The following PBX1 variants were observed in gnomAD, a reference collection of about 807,000 sequenced individuals.
The protein encoded by PBX1 is PBX homeobox 1, also known as pre-B-cell leukemia transcription factor 1.
Under a neutral mutation model 53.4 loss-of-function variants are expected in PBX1, and 6 were observed. That is an observed-to-expected ratio of 0.11 (90% confidence interval 0.06 to 0.22). The LOEUF (loss-of-function observed/expected upper bound fraction) is 0.22. Ranked by LOEUF, PBX1 falls within the 10% of genes least tolerant of loss-of-function variation. The probability of loss-of-function intolerance (pLI) is 1.00; values close to 1 mark genes in which losing one functional copy is unlikely to be tolerated. For missense variants in PBX1, 251 were observed against 551.4 expected (o/e 0.46, Z 5.46); for synonymous variants, 204 against 212.3 (o/e 0.96, Z 0.34).
rs980384881 is a variant in PBX1 at position 164,851,693 on chromosome 1, C to G, written c.*5017C>G. 1 of 182,294 alleles carries G rather than the reference C, an allele frequency of 5.5e-6. No homozygotes were observed. The highest frequency in any genetic ancestry group is 8.9e-5 in the East Asian group (1 of 11,250). The allele number at this position is 182,294 out of a possible 1,614,324, so 11.3% of individuals were successfully genotyped here. A position where few individuals can be genotyped will look rare whatever the true frequency, so the allele number is the denominator to read the frequency against. On this transcript the variant is annotated 3_prime_UTR_variant, in exon 9 of 9. Transcript: ENST00000420696. ...AAGCTTTTCTGCTTCTGTGAGAGCA[C>G]AGGCTTCTGTCCCTTTTGATTCCAA...
intron 2 of PBX1, chr1:164,774,752 T>C (rs1667561085): frequency 6.6e-6 from 1 of 152,236 alleles, no homozygotes; most frequent in Non-Finnish European, 1.5e-5. Flanking sequence ...ACACTTGCTC[T>C]TCCCCATTTC....
rs900060161 is a variant in PBX1 at position 164,849,825 on chromosome 1, C to G, written c.*3149C>G. 1 of 233,022 alleles carries G rather than the reference C, an allele frequency of 4.3e-6. No individual in the cohort carries two copies. Among genetic ancestry groups the G allele is most frequent in the Non-Finnish European group, 8.5e-6 (1 of 118,054 alleles). The allele number at this position is 233,022 out of a possible 1,614,324, so 14.4% of individuals were successfully genotyped here. On this transcript the variant is annotated 3_prime_UTR_variant, in exon 9 of 9. Coordinates refer to ENST00000420696, the MANE Select transcript of PBX1 (RefSeq NM_002585.4). The stretch of plus-strand genomic sequence containing the variant: ...TCTCTCTGTCTCTCTCTTTCCTGCT[C>G]TTTGTTTTTCTGCCCAGAAAAACCT...
At chr1:164,580,123 A>C (rs775533250) in intron 2 of PBX1, among the ~76,000 whole-genome samples, 5 of 152,156 alleles carry the variant, frequency 3.3e-5, no homozygotes, top group African/African-American at 4.8e-5. Flanking sequence ...GTCTGGCTCT[A>C]CTCATTTCTG....
chr1:164,816,731 A>G (rs2102355784), intron 6 of PBX1: 1 of 152,300 alleles, frequency 6.6e-6, no homozygotes, highest in African/African-American at 2.4e-5. Flanking sequence ...TATTTGGCCC[A>G]AAATGTCAGT....
chr1:164,735,013 T>A (rs977946437), intron 2 of PBX1, among the ~76,000 whole-genome samples: 1 of 152,258 alleles, frequency 6.6e-6, no homozygotes, highest in Admixed American at 6.5e-5. Context: ...TAAAATTTAA[T>A]GTAAATGCTT....
At chr1:164,772,351 A>G (rs10918068) in intron 2 of PBX1, among the ~76,000 whole-genome samples, 100,105 of 152,114 alleles carry the variant, frequency 0.66, 33,531 homozygotes, top group East Asian at 0.77. Flanking sequence ...ACCGTTTACC[A>G]ACTCTGACAA....
At chr1:164,728,823 G>A (rs954673881) in intron 2 of PBX1, among the ~76,000 whole-genome samples, 6 of 152,182 alleles carry the variant, frequency 3.9e-5, no homozygotes, top group South Asian at 2.1e-4. Context: ...CCCACCCACC[G>A]CAACATATTT....
At chr1:164,724,161 C>T (rs1664558202) in intron 2 of PBX1, among the ~76,000 whole-genome samples, 1 of 152,148 alleles carries the variant, frequency 6.6e-6, no homozygotes, top group Admixed American at 6.5e-5. Flanking sequence ...GGTTACAAGT[C>T]TTTGTTGCAT....
chr1:164,800,054 C>T (rs1668992510), intron 4 of PBX1, among the ~76,000 whole-genome samples, 165 bp downstream of exon 4: 1 of 152,166 alleles, frequency 6.6e-6, no homozygotes, highest in South Asian at 2.1e-4. Flanking sequence ...CGGTTTCACA[C>T]AGTACCAGGA....
intron 8 of PBX1, among the ~76,000 whole-genome samples, chr1:164,823,804 T>C (rs1450938458): frequency 1.3e-5 from 2 of 152,058 alleles, no homozygotes; most frequent in African/African-American, 4.8e-5. Context: ...CCATGAACTG[T>C]GGTTATTTTA....
intron 2 of PBX1, among the ~76,000 whole-genome samples, chr1:164,739,181 A>G (rs936568035): frequency 1.3e-5 from 2 of 152,214 alleles, no homozygotes; most frequent in African/African-American, 4.8e-5. Context: ...TAAATAACAC[A>G]TAAGGATTCC....
chr1:164,568,361 C>T (rs1653583466), intron 2 of PBX1, among the ~76,000 whole-genome samples: 1 of 152,022 alleles, frequency 6.6e-6, no homozygotes, highest in Non-Finnish European at 1.5e-5. Context: ...ACCAAAGCAC[C>T]ACATGATAGA....
chr1:164,667,436 A>G (rs55656529), intron 2 of PBX1, among the ~76,000 whole-genome samples: 5,028 of 150,178 alleles, frequency 0.033, 120 homozygotes, highest in South Asian at 0.057. Context: ...GTGTGTGTAT[A>G]TATGTATAGC....
intron 2 of PBX1, among the ~76,000 whole-genome samples, chr1:164,598,085 G>A (rs1198604311): frequency 3.3e-5 from 5 of 152,120 alleles, no homozygotes; most frequent in Non-Finnish European, 7.3e-5. Context: ...GAGGGCAGGA[G>A]CAAGAGAGCC....
At chr1:164,568,923 G>A (rs913601919) in intron 2 of PBX1, among the ~76,000 whole-genome samples, 2 of 152,188 alleles carry the variant, frequency 1.3e-5, no homozygotes, top group Admixed American at 6.5e-5. Context: ...TGTCTTACCC[G>A]AAGGTCTTCT....
At position 164,848,819 on chromosome 1, in the gene PBX1, A is replaced by G; in HGVS notation, c.*2143A>G. The G allele has an allele frequency of 9.4e-7, 1 of 1,063,598 alleles. No individual in the cohort carries two copies. Among genetic ancestry groups the G allele is most frequent in the East Asian group, 5.1e-5 (1 of 19,766 alleles). 65.9% of individuals were successfully genotyped at this position (1,063,598 alleles called of 1,614,324 possible). A position where few individuals can be genotyped will look rare whatever the true frequency, so the allele number is the denominator to read the frequency against. On this transcript the variant is annotated 3_prime_UTR_variant, in exon 9 of 9. Transcript: ENST00000420696. ...AATTCTGCTTGGCACTACAGTCATA[A>G]ATAGAAAACACTGTGTGTGCTCAGG...
intron 6 of PBX1, chr1:164,818,721 A>G (rs1669996870): frequency 6.6e-6 from 1 of 151,960 alleles, no homozygotes; most frequent in Non-Finnish European, 1.5e-5. Flanking sequence ...GTATGAAAAC[A>G]CCATGAATAG....
At chr1:164,774,240 A>G (rs1223310127) in intron 2 of PBX1, among the ~76,000 whole-genome samples, 1 of 152,226 alleles carries the variant, frequency 6.6e-6, no homozygotes. Context: ...GCTTCAAAAA[A>G]TTCAAAAGTC....
chr1:164,589,890 C>T (rs1571283271), intron 2 of PBX1, among the ~76,000 whole-genome samples: 1 of 152,162 alleles, frequency 6.6e-6, no homozygotes, highest in East Asian at 1.9e-4. Flanking sequence ...TATCTTAATG[C>T]TCACACGGAG....
Sources: gnomAD v4.1 joint callset for allele counts (sites outside exome capture counted in the v4.1 genomes callset) on GRCh38, gnomAD v4.1.1 for gene constraint, MANE v1.5 for transcripts, NCBI Gene and HGNC (gene_info 2026-07-23, HGNC 2026-07-21) for gene names.